The following ADARB1 variants were observed in gnomAD, a reference collection of about 807,000 sequenced individuals.
ADARB1 encodes double-stranded RNA-specific editase 1.
Under a neutral mutation model 52.4 loss-of-function variants are expected in ADARB1, and 10 were observed. That is an observed-to-expected ratio of 0.19 (90% CI 0.12 to 0.32). The LOEUF is 0.32. Ranked by LOEUF, ADARB1 falls within the 10% of genes least tolerant of loss-of-function variation. The pLI is 1.00. For synonymous variants in ADARB1, 349 were observed against 371.1 expected (o/e 0.94, Z 0.68); for missense variants, 643 against 922.3 (o/e 0.70, Z 3.92).
Position 45,209,120 on chromosome 21 carries a change from A to T in ADARB1, c.1747+4384A>T, listed in dbSNP as rs111782478. Among the ~76,000 whole-genome samples the T allele has an allele frequency of 3.5e-3, 527 of 152,266 alleles. 7 individuals carry two copies. Among genetic ancestry groups the T allele is most frequent in the African/African-American group, 0.012 (496 of 41,530 alleles). ...GCATCAAGAATTAATATTTGTAAAG[A>T]TCCAAACTTGGGAAAAGCTGAAATA... On this transcript the variant is annotated intron_variant, in intron 9 of 10. Coordinates refer to ENST00000348831, the MANE Select transcript of ADARB1 (RefSeq NM_001112.4).
chr21:45,180,315 GT>G lies in ADARB1; in HGVS notation c.964-14del, dbSNP rs1212427525. ...TGCATCTGGCCCCTAACCTGCATCT[GT>G]GCTTCCCACACAGGTTTTAGCTGAC... On this transcript the variant is annotated splice_polypyrimidine_tract_variant and intron_variant, in intron 4 of 10. Coordinates refer to ENST00000348831, the MANE Select transcript of ADARB1 (RefSeq NM_001112.4). The G allele has an allele frequency of 6.2e-7, 1 of 1,603,900 alleles. No homozygotes were observed. Among genetic ancestry groups the G allele is most frequent in the Non-Finnish European group, 8.5e-7 (1 of 1,171,592 alleles).
intron 1 of ADARB1, among the ~76,000 whole-genome samples, chr21:45,095,859 A>G (rs143233473): frequency 1.7e-4 from 26 of 152,324 alleles, no homozygotes; most frequent in African/African-American, 5.1e-4. Flanking sequence ...CCACAGCCAG[A>G]TCAACAAGGA....
intron 2 of ADARB1, among the ~76,000 whole-genome samples, chr21:45,141,617 C>T (rs2089726052): frequency 6.6e-6 from 1 of 152,114 alleles, no homozygotes. Context: ...CCTGAGCTAC[C>T]TGTGGGCCAC....
intron 9 of ADARB1, among the ~76,000 whole-genome samples, chr21:45,218,199 A>G (rs569925077): frequency 1.3e-5 from 2 of 152,068 alleles, no homozygotes; most frequent in Admixed American, 6.5e-5. Context: ...ATTTCACCCT[A>G]CCTAAACCTG....
Position 45,223,181 on chromosome 21 carries a change from T to C in ADARB1, c.*984T>C, listed in dbSNP as rs2092995449. On this transcript the variant is annotated 3_prime_UTR_variant, in exon 11 of 11. Coordinates refer to ENST00000348831, the MANE Select transcript of ADARB1 (RefSeq NM_001112.4). ...CCCGAAGGCCTTCACAGGATGGAAG[T>C]AGAATGATTTCAGTAGATACTCATT... is the stretch of plus-strand genomic sequence containing the variant. 1 of 985,348 alleles carries C rather than the reference T, an allele frequency of 1.0e-6. No individual in the cohort carries two copies. The highest frequency in any genetic ancestry group is 1.2e-6 in the Non-Finnish European group (1 of 829,940). 61.0% of individuals were successfully genotyped at this position (985,348 alleles called of 1,614,324 possible). A position where few individuals can be genotyped will look rare whatever the true frequency, so the allele number is the denominator to read the frequency against.
At chr21:45,218,807 C>T (rs550569814) in intron 9 of ADARB1, among the ~76,000 whole-genome samples, 16 of 152,354 alleles carry the variant, frequency 1.1e-4, no homozygotes, top group Admixed American at 2.6e-4. Context: ...TCTGAGAGTG[C>T]AGTGTGCTGC....
At chr21:45,109,571 GC>G (rs999949717) in intron 1 of ADARB1, among the ~76,000 whole-genome samples, 1 of 152,124 alleles carries the variant, frequency 6.6e-6, no homozygotes, top group Admixed American at 6.5e-5. Context: ...GGGGCTCTGC[GC>G]CCCCCCAGGA....
rs1016568778 is a variant in ADARB1, at chr21:45,093,962, AT to A, written c.-220+19172del. ...TTTTAGCACTTCGTTTTTACTGGTG[AT>A]TTGTTAGTCATTGATTGAGGTGATT... On this transcript the variant is annotated intron_variant, in intron 1 of 10. Coordinates refer to ENST00000348831, the MANE Select transcript of ADARB1 (RefSeq NM_001112.4). 7.0e-4 allele frequency among the ~76,000 whole-genome samples: 106 copies of A among 152,232 alleles called. 2 individuals are homozygous for A. Among genetic ancestry groups the A allele is most frequent in the Admixed American group, 6.7e-3 (103 of 15,298 alleles).
chr21:45,199,305 G>A (rs910757755), intron 8 of ADARB1, among the ~76,000 whole-genome samples: 1 of 152,126 alleles, frequency 6.6e-6, no homozygotes, highest in African/African-American at 2.4e-5. Flanking sequence ...CCAGGCACAG[G>A]GACACTTCAG....
intron 9 of ADARB1, among the ~76,000 whole-genome samples, chr21:45,213,091 ATAACT>A (rs1180276450): frequency 6.6e-6 from 1 of 152,194 alleles, no homozygotes; most frequent in African/African-American, 2.4e-5. Flanking sequence ...TAAGTCTCAG[ATAACT>A]TGGAACAGAA....
At chr21:45,216,116 C>T (rs1182370829) in intron 9 of ADARB1, among the ~76,000 whole-genome samples, 1 of 152,078 alleles carries the variant, frequency 6.6e-6, no homozygotes, top group Non-Finnish European at 1.5e-5. Flanking sequence ...GGCATAAAAG[C>T]ATTCAGAATA....
chr21:45,108,984 ACTCT>A (rs1207345869), intron 1 of ADARB1, among the ~76,000 whole-genome samples: 1 of 152,114 alleles, frequency 6.6e-6, no homozygotes, highest in Admixed American at 6.5e-5. Flanking sequence ...CATTGCTAGG[ACTCT>A]ACTTTTGGGG....
intron 2 of ADARB1, among the ~76,000 whole-genome samples, chr21:45,141,669 T>C (rs750842773): frequency 2.6e-5 from 4 of 151,992 alleles, no homozygotes; most frequent in Non-Finnish European, 5.9e-5. Flanking sequence ...CAGGGACACC[T>C]TAGCCTCCCT....
intron 1 of ADARB1, among the ~76,000 whole-genome samples, chr21:45,082,108 GGTGATGAT>G (rs2086176566): frequency 6.6e-6 from 1 of 152,184 alleles, no homozygotes; most frequent in African/African-American, 2.4e-5. Flanking sequence ...CTCTTTGGAT[GGTGATGAT>G]GTGATGATGC....
intron 2 of ADARB1, among the ~76,000 whole-genome samples, chr21:45,167,841 G>A (rs2091316322): frequency 6.6e-6 from 1 of 152,188 alleles, no homozygotes; most frequent in African/African-American, 2.4e-5. Flanking sequence ...ATTTCTCTGG[G>A]ATAAATGCCC....
intron 2 of ADARB1, among the ~76,000 whole-genome samples, chr21:45,139,357 T>C (rs1240008543): frequency 6.6e-6 from 1 of 152,278 alleles, no homozygotes; most frequent in Non-Finnish European, 1.5e-5. Context: ...TTAATTTGCT[T>C]TATACTTGGA....
intron 1 of ADARB1, among the ~76,000 whole-genome samples, chr21:45,106,714 TA>T (rs2087274572): frequency 6.6e-6 from 1 of 152,104 alleles, no homozygotes; most frequent in South Asian, 2.1e-4. Flanking sequence ...GCCAGAAAGG[TA>T]AAGAAGGTAT....
At chr21:45,080,413 G>A (rs2086108688) in intron 1 of ADARB1, among the ~76,000 whole-genome samples, 1 of 152,186 alleles carries the variant, frequency 6.6e-6, no homozygotes, top group Non-Finnish European at 1.5e-5. Flanking sequence ...GGGATGCTCA[G>A]CTCTAGAAGG....
chr21:45,085,201 T>G (rs1306036419), intron 1 of ADARB1, among the ~76,000 whole-genome samples: 1 of 152,228 alleles, frequency 6.6e-6, no homozygotes, highest in Non-Finnish European at 1.5e-5. Flanking sequence ...TTCGTGTTGG[T>G]TCATCTGACT....
Sources: allele counts gnomAD v4.1 joint callset (sites outside exome capture counted in the v4.1 genomes callset), GRCh38; gene constraint gnomAD v4.1.1; transcripts MANE v1.5; gene names NCBI Gene and HGNC (gene_info 2026-07-23, HGNC 2026-07-21).